The following NDUFAF2 variants were observed in gnomAD, a reference collection of about 807,000 sequenced individuals.
The protein encoded by NDUFAF2 is NADH dehydrogenase [ubiquinone] 1 alpha subcomplex assembly factor 2.
Under a neutral mutation model 22.8 loss-of-function variants are expected in NDUFAF2, and 13 were observed. The observed-to-expected ratio is 0.57, with a 90% CI of 0.37 to 0.91. NDUFAF2 has a LOEUF of 0.91. NDUFAF2 is among the 40% of genes least tolerant of loss of function. The pLI, the probability that NDUFAF2 is intolerant of heterozygous loss-of-function variation, is 0.01. For missense variants in NDUFAF2, 162 were observed against 195.2 expected (o/e 0.83, Z 1.01); for synonymous variants, 53 against 64.2 (o/e 0.83, Z 0.84).
At chr5:60,994,219 G>C (rs991633927) in intron 1 of NDUFAF2, among the ~76,000 whole-genome samples, 1 of 152,252 alleles carries the variant, frequency 6.6e-6, no homozygotes, top group South Asian at 2.1e-4. Flanking sequence ...CACTAGGAGC[G>C]GGAGCAGACA....
Position 61,099,052 on chromosome 5 carries a change from A to C in NDUFAF2, c.258+20A>C. On this transcript the variant is annotated intron_variant, in intron 3 of 3. Coordinates refer to ENST00000296597, the MANE Select transcript of NDUFAF2 (RefSeq NM_174889.5). ...ATGGAGGTAAGACTACACAAGGAGG[A>C]TATCATTTAGGAGTATATATTCCCA... 2 of 1,577,982 alleles carry C rather than the reference A, an allele frequency of 1.3e-6. No homozygotes were observed. The highest frequency in any genetic ancestry group is 1.7e-6 in the Non-Finnish European group (2 of 1,151,658).
chr5:61,043,719 G>T (rs1751912140), intron 1 of NDUFAF2, among the ~76,000 whole-genome samples: 1 of 149,016 alleles, frequency 6.7e-6, no homozygotes, highest in Non-Finnish European at 1.5e-5. Flanking sequence ...GTGTGTGTGT[G>T]TGTATCTACA....
intron 3 of NDUFAF2, among the ~76,000 whole-genome samples, chr5:61,140,099 G>A (rs751606403): frequency 1.3e-5 from 2 of 152,242 alleles, no homozygotes; most frequent in Non-Finnish European, 2.9e-5. Flanking sequence ...CAAGTGGGCC[G>A]AGTAGGTGGG....
At chr5:61,038,204 A>G (rs957478130) in intron 1 of NDUFAF2, among the ~76,000 whole-genome samples, 4 of 152,150 alleles carry the variant, frequency 2.6e-5, no homozygotes, top group Non-Finnish European at 4.4e-5. Context: ...ACTGCAATCT[A>G]TAATGTACAT....
At chr5:61,035,181 C>T (rs192186194) in intron 1 of NDUFAF2, among the ~76,000 whole-genome samples, 1 of 151,976 alleles carries the variant, frequency 6.6e-6, no homozygotes, top group Non-Finnish European at 1.5e-5. Context: ...ATTCTTTCAC[C>T]TCAGCCTCCC....
chr5:60,980,119 G>A (rs766324318), intron 1 of NDUFAF2, among the ~76,000 whole-genome samples: 5 of 152,238 alleles, frequency 3.3e-5, no homozygotes, highest in East Asian at 1.9e-4. Context: ...AGATATTACC[G>A]CAATGACCAA....
At chr5:60,992,362 G>A (rs1751171960) in intron 1 of NDUFAF2, among the ~76,000 whole-genome samples, 1 of 152,148 alleles carries the variant, frequency 6.6e-6, no homozygotes, top group African/African-American at 2.4e-5. Context: ...TATTACTCAA[G>A]AAATCTTTGC....
rs377746451 is a variant in NDUFAF2 at position 61,152,783 on chromosome 5, G to T, written c.338G>T (p.Ser113Ile). The T allele has an allele frequency of 1.3e-5, 20 of 1,597,206 alleles. No individual in the cohort carries two copies. The highest frequency in any genetic ancestry group is 1.7e-5 in the Non-Finnish European group (20 of 1,171,068). The change falls in exon 4 of 4, where the codon AGT (serine) becomes ATT (isoleucine). Residue 113 changes from serine to isoleucine, a missense_variant. Coordinates refer to ENST00000296597, the MANE Select transcript of NDUFAF2 (RefSeq NM_174889.5). The part of the protein sequence containing the change: ...QDFYEKEKLL[S>I]KETSEELLPP... ...TTTTATGAAAAAGAAAAACTCCTTA[G>T]TAAAGAGACCAGTGAGGAACTCCTG...
chr5:61,098,948 T>C lies in NDUFAF2; in HGVS notation c.218-44T>C, dbSNP rs1489549650. 3.9e-6 allele frequency: 6 copies of C among 1,538,330 alleles called. No homozygotes were observed. The Admixed American group carries it at 8.8e-5, about 23-fold the overall frequency. On this transcript the variant is annotated intron_variant, in intron 2 of 3. Transcript: ENST00000296597. ...TGTTTTATGGATAAAAATGTTTGTG[T>C]AAATTATGGGAAACTGACATTTAAA...
chr5:61,080,833 T>C (rs929191211), intron 2 of NDUFAF2, among the ~76,000 whole-genome samples: 1 of 152,172 alleles, frequency 6.6e-6, no homozygotes, highest in African/African-American at 2.4e-5. Flanking sequence ...GACAGTGCCT[T>C]TCAAAGAGCA....
At chr5:61,042,835 A>G (rs908559467) in intron 1 of NDUFAF2, among the ~76,000 whole-genome samples, 11 of 152,220 alleles carry the variant, frequency 7.2e-5, no homozygotes, top group African/African-American at 2.2e-4. Context: ...ACCTAAATGC[A>G]TATTACCAGA....
intron 3 of NDUFAF2, among the ~76,000 whole-genome samples, chr5:61,119,041 A>G (rs1161545898): frequency 6.6e-6 from 1 of 152,190 alleles, no homozygotes; most frequent in Admixed American, 6.6e-5. Flanking sequence ...AAACCTTATA[A>G]TTACATATTT....
At chr5:61,072,368 G>A (rs1242702338) in intron 1 of NDUFAF2, among the ~76,000 whole-genome samples, 2 of 152,184 alleles carry the variant, frequency 1.3e-5, no homozygotes, top group African/African-American at 4.8e-5. Flanking sequence ...TAGGGAGAGG[G>A]TGGCTGCAGG....
chr5:61,046,309 G>A (rs948890421), intron 1 of NDUFAF2, among the ~76,000 whole-genome samples: 1 of 152,092 alleles, frequency 6.6e-6, no homozygotes. Context: ...TTTAGTATTA[G>A]GGTAATGCTG....
chr5:60,982,861 C>T (rs1185103041), intron 1 of NDUFAF2, among the ~76,000 whole-genome samples: 2 of 152,002 alleles, frequency 1.3e-5, no homozygotes, highest in Non-Finnish European at 1.5e-5. Context: ...AATAAACATA[C>T]GTGTGCATGT....
intron 3 of NDUFAF2, among the ~76,000 whole-genome samples, chr5:61,147,519 C>A (rs1342861378): frequency 2.8e-5 from 4 of 140,958 alleles, no homozygotes; most frequent in Non-Finnish European, 6.0e-5. Flanking sequence ...AGAAATCCAC[C>A]CACCTCAGCC....
At chr5:61,005,335 C>T (rs534441165) in intron 1 of NDUFAF2, among the ~76,000 whole-genome samples, 36 of 152,286 alleles carry the variant, frequency 2.4e-4, no homozygotes, top group African/African-American at 8.2e-4. Context: ...TCCAGTCTAT[C>T]ATTGTTGGAC....
intron 3 of NDUFAF2, among the ~76,000 whole-genome samples, chr5:61,128,423 A>G (rs2111808984): frequency 6.6e-6 from 1 of 152,314 alleles, no homozygotes; most frequent in East Asian, 1.9e-4. Context: ...AGTAACCAAA[A>G]CAGCATGGTA....
chr5:61,134,246 A>G (rs1009673306), intron 3 of NDUFAF2, among the ~76,000 whole-genome samples: 4 of 114,454 alleles, frequency 3.5e-5, no homozygotes, highest in Admixed American at 1.0e-4. Context: ...TAAAGAAAAA[A>G]TGGGAGGATA....
Sources: gnomAD v4.1 joint callset for allele counts (sites outside exome capture counted in the v4.1 genomes callset) on GRCh38, gnomAD v4.1.1 for gene constraint, MANE v1.5 for transcripts, NCBI Gene and HGNC (gene_info 2026-07-23, HGNC 2026-07-21) for gene names.